Variants in BATF2 observed in about 807,000 individuals in gnomAD.
BATF2 encodes the protein basic leucine zipper transcriptional factor ATF-like 2.
In BATF2, 4 loss-of-function variants were observed where a neutral mutation model predicts 7.3. That is an observed-to-expected ratio of 0.55 (90% confidence interval 0.27 to 1.26). The LOEUF is 1.26. Ranked by LOEUF, BATF2 falls within the 50% of genes most tolerant of loss-of-function variation. The pLI, the probability that BATF2 is intolerant of heterozygous loss-of-function variation, is 0.11. For missense variants in BATF2, 295 were observed against 340.5 expected, an observed-to-expected ratio of 0.87 and a Z score of 1.05; for synonymous variants, 152 against 153.9, an observed-to-expected ratio of 0.99 and a Z score of 0.09.
At chr11:64,992,192 C>T (rs1031651113) in intron 2 of BATF2, among the ~76,000 whole-genome samples, 22 of 152,102 alleles carry the variant, frequency 1.4e-4, no homozygotes, top group Non-Finnish European at 2.6e-4. Flanking sequence ...CCTGTAATCC[C>T]AGCTACTGGG....
At position 64,988,835 on chromosome 11, in the gene BATF2, C is replaced by T. The variant is rs1272926738; in HGVS notation, c.*294G>A. The T allele has an allele frequency of 2.3e-6, 1 of 428,810 alleles. No individual in the cohort carries two copies. The highest frequency in any genetic ancestry group is 4.3e-6 in the Non-Finnish European group (1 of 233,368). The allele number at this position is 428,810 out of a possible 1,614,324, so 26.6% of individuals were successfully genotyped here. ...GTGGTGTTTCGGGCTCCAAGAAAGT[C>T]TTCGTGACCTTGGACTTGTCACTTG... On this transcript the variant is annotated 3_prime_UTR_variant, in exon 3 of 3. Transcript: ENST00000301887.
chr11:64,996,665 T>C (rs1185584418), intron 1 of BATF2, among the ~76,000 whole-genome samples: 1 of 152,196 alleles, frequency 6.6e-6, no homozygotes, highest in Non-Finnish European at 1.5e-5. Context: ...GGATCTGCAA[T>C]GTGAGAGCTG....
chr11:64,994,644 A>T, intron 1 of BATF2, 95 bp from the exon 2 acceptor site: 2 of 1,219,606 alleles, frequency 1.6e-6, no homozygotes, highest in African/African-American at 1.5e-5. Flanking sequence ...TTTCCCCTTG[A>T]GTCAAGTTCC....
intron 2 of BATF2, among the ~76,000 whole-genome samples, chr11:64,991,462 T>C (rs560228325): frequency 1.0e-3 from 157 of 152,244 alleles, no homozygotes; most frequent in Non-Finnish European, 1.7e-3. Context: ...GCCGGAATGA[T>C]GGACATTTCT....
chr11:64,994,326 T>G, intron 2 of BATF2, 122 bp downstream of exon 2: 1 of 955,470 alleles, frequency 1.0e-6, no homozygotes, highest in Admixed American at 2.3e-5. Context: ...CATCCCAAAC[T>G]CAGGTGACCT....
intron 1 of BATF2, among the ~76,000 whole-genome samples, chr11:64,996,460 T>C (rs1471627957): frequency 6.6e-6 from 1 of 152,206 alleles, no homozygotes; most frequent in East Asian, 1.9e-4. Context: ...TTTCGCCATG[T>C]TGGCCAGGCT....
At position 64,989,883 on chromosome 11, in the gene BATF2, C is replaced by T. The variant is rs1237348622; in HGVS notation, c.142-71G>A. 1 of 1,544,938 alleles carries T rather than the reference C, an allele frequency of 6.5e-7. No individual in the cohort carries two copies. The highest frequency in any genetic ancestry group is 8.8e-7 in the Non-Finnish European group (1 of 1,131,474). ...AGGGGCCCCGCATGAGCCTTAGCCC[C>T]TTCCAGGGTCCTCAACTTCAGGAGA... On this transcript the variant is annotated intron_variant, in intron 2 of 2. Transcript: ENST00000301887. This position sits in a 1 kb window ranked among gnomAD's most constrained non-coding sequence, Gnocchi z 4.3.
At chr11:64,994,189 C>A (rs1470546622) in intron 2 of BATF2, among the ~76,000 whole-genome samples, 1 of 152,170 alleles carries the variant, frequency 6.6e-6, no homozygotes, top group Non-Finnish European at 1.5e-5. Context: ...CCCTAGACTG[C>A]GGACACCTTA....
At chr11:64,994,637 C>T in intron 1 of BATF2, 88 bp from the exon 2 acceptor site, 6 of 1,290,158 alleles carry the variant, frequency 4.7e-6, no homozygotes, top group Non-Finnish European at 6.5e-6. Flanking sequence ...CCAAGTCTTT[C>T]CCCTTGAGTC....
chr11:64,990,304 A>G, intron 2 of BATF2: 2 of 1,479,862 alleles, frequency 1.4e-6, no homozygotes, highest in East Asian at 2.5e-5. Context: ...CCTCACATGA[A>G]CTCTGCTTCC....
intron 1 of BATF2, among the ~76,000 whole-genome samples, chr11:64,995,918 GA>G (rs1946106372): frequency 1.3e-5 from 2 of 152,184 alleles, no homozygotes; most frequent in Non-Finnish European, 2.9e-5. Context: ...GCCTCCAAGG[GA>G]AACCATGGCC....
At chr11:64,991,303 T>G (rs181914180) in intron 2 of BATF2, among the ~76,000 whole-genome samples, 1 of 151,942 alleles carries the variant, frequency 6.6e-6, no homozygotes, top group African/African-American at 2.4e-5. Context: ...ACTACAGGTA[T>G]GCACAACCAT....
intron 2 of BATF2, among the ~76,000 whole-genome samples, chr11:64,990,947 C>T (rs12270141): frequency 0.016 from 2,445 of 150,314 alleles, 76 homozygotes; most frequent in African/African-American, 0.056. Context: ...CCCGCCACCA[C>T]GCCTGGCTAA....
chr11:64,994,485 C>T lies in BATF2; in HGVS notation c.104G>A (p.Arg35Gln), dbSNP rs375591973. 13 of 1,600,924 alleles carry T rather than the reference C, an allele frequency of 8.1e-6. No individual in the cohort carries two copies. Among genetic ancestry groups the T allele is most frequent in the Admixed American group, 3.5e-5 (2 of 57,840 alleles). The change falls in exon 2 of 3, where the codon CGG becomes CAG. Residue 35 changes from arginine (R) to glutamine (Q), a missense_variant. Arg to Gln is a conservative substitution (Grantham distance 43, BLOSUM62 1). Coordinates refer to ENST00000301887, the MANE Select transcript of BATF2 (RefSeq NM_138456.4). ...GTCTGCCTTGTCTGTGTGCTTCTGC[C>T]GGCTTCGCTGGGCGGCTGCCCGGTT... ...QKNRAAAQRSRQKHTDKADAL... is the reference protein window; with the variant it reads ...QKNRAAAQRSQQKHTDKADAL...
At chr11:64,994,166 C>G (rs1946094908) in intron 2 of BATF2, among the ~76,000 whole-genome samples, 3 of 152,192 alleles carry the variant, frequency 2.0e-5, no homozygotes. Flanking sequence ...GCCTCCACTT[C>G]CTGTCTTCCT....
chr11:64,989,383 T>C lies in BATF2; in HGVS notation c.571A>G (p.Lys191Glu), dbSNP rs1489583994. 2.5e-6 allele frequency: 4 copies of C among 1,579,150 alleles called. No individual in the cohort carries two copies. The highest frequency in any genetic ancestry group is 3.4e-6 in the Non-Finnish European group (4 of 1,161,864). ...TGSSLQGSSSKLSALQPSLTA... is the reference protein window; with the variant it reads ...TGSSLQGSSSELSALQPSLTA... Reference sequence around the variant, plus strand: ...AGGCTGGGCTGGAGGGCACTGAGCTTAGAGGAAGACCCCTGCAGGCTGGAA... The same window carrying C: ...AGGCTGGGCTGGAGGGCACTGAGCTCAGAGGAAGACCCCTGCAGGCTGGAA... Residue 191 changes from lysine (K) to glutamate (E), a missense_variant, in exon 3 of 3, where the codon AAG (lysine) becomes GAG (glutamate). Coordinates refer to ENST00000301887, the MANE Select transcript of BATF2 (RefSeq NM_138456.4). The surrounding 1 kb of genome is among the most constrained non-coding windows in gnomAD (Gnocchi z 4.3).
intron 2 of BATF2, among the ~76,000 whole-genome samples, chr11:64,991,277 C>T (rs1410829515): frequency 6.6e-6 from 1 of 151,824 alleles, no homozygotes; most frequent in Admixed American, 6.6e-5. Flanking sequence ...CTGCCTCAGC[C>T]TCCCGAGTAG....
intron 1 of BATF2, among the ~76,000 whole-genome samples, chr11:64,996,106 T>A (rs1946107918): frequency 6.6e-6 from 1 of 151,320 alleles, no homozygotes; most frequent in Admixed American, 6.6e-5. Context: ...TACAGGCATG[T>A]GCCTCCACCA....
In BATF2 at chr11:64,989,385, G is replaced by C. The variant is rs1212096757; in HGVS notation, c.569C>G (p.Ser190Cys). The C allele has an allele frequency of 7.6e-6, 12 of 1,580,770 alleles. No homozygotes were observed. The highest frequency in any genetic ancestry group is 1.8e-5 in the Admixed American group (1 of 56,738). The change falls in exon 3 of 3, where the codon TCT (serine) becomes TGT (cysteine). Residue 190 changes from serine to cysteine, a missense_variant. Ser to Cys is a moderately radical substitution (Grantham distance 112). Coordinates refer to ENST00000301887, the MANE Select transcript of BATF2 (RefSeq NM_138456.4). The surrounding 1 kb of genome is among the most constrained non-coding windows in gnomAD (Gnocchi z 4.3). ...GCTGGGCTGGAGGGCACTGAGCTTAGAGGAAGACCCCTGCAGGCTGGAACC... is the reference window on the plus strand; with the variant it reads ...GCTGGGCTGGAGGGCACTGAGCTTACAGGAAGACCCCTGCAGGCTGGAACC... Reference protein sequence around the residue: ...HTGSSLQGSSSKLSALQPSLT... With the variant: ...HTGSSLQGSSCKLSALQPSLT...
Sources: gnomAD v4.1 joint callset for allele counts (sites outside exome capture counted in the v4.1 genomes callset) on GRCh38, gnomAD v4.1.1 for gene constraint, Gnocchi (gnomAD v3.1) non-coding constraint, MANE v1.5 for transcripts, NCBI Gene and HGNC (gene_info 2026-07-23, HGNC 2026-07-21) for gene names.